EHD4: variants seen among roughly 807,000 people sequenced by gnomAD.
The protein encoded by EHD4 is EH domain-containing protein 4.
EHD4 carries 37 observed loss-of-function variants against 51.0 expected under a neutral mutation model. That is an observed-to-expected ratio of 0.73 (90% CI 0.56 to 0.95). The LOEUF (loss-of-function observed/expected upper bound fraction) is 0.95. Among genes scored for constraint, EHD4 ranks in the 40% least tolerant of loss-of-function variants. The pLI, the probability that EHD4 is intolerant of heterozygous loss-of-function variation, is 0.00. For synonymous variants in EHD4, 297 were observed against 317.3 expected, an observed-to-expected ratio of 0.94 and a Z score of 0.68; for missense variants, 632 against 733.1, an observed-to-expected ratio of 0.86 and a Z score of 1.59.
chr15:41,968,453 CTT>C (rs11291085), intron 1 of EHD4, among the ~76,000 whole-genome samples: 8 of 124,654 alleles, frequency 6.4e-5, no homozygotes, highest in African/African-American at 2.1e-4. Context: ...ATCTTTACTC[CTT>C]TTTTTTTTTT....
Position 41,943,103 on chromosome 15 carries a change from C to T in EHD4, c.475G>A (p.Gly159Ser), listed in dbSNP as rs1198870446. The T allele has an allele frequency of 1.9e-6, 3 of 1,589,814 alleles. No individual in the cohort carries two copies. The highest frequency in any genetic ancestry group is 1.7e-6 in the Non-Finnish European group (2 of 1,168,210). Reference protein sequence around the residue: ...LKSISVIDSPGILSGEKQRIS... With the variant: ...LKSISVIDSPSILSGEKQRIS... ...CGCTGCTTCTCCCCAGAAAGGATGC[C>T]GGGGCTGTCGATGACGCTGATGCTC... Residue 159 changes from glycine (G) to serine (S), a missense_variant, in exon 3 of 6, where the codon GGC becomes AGC. Coordinates refer to ENST00000220325, the MANE Select transcript of EHD4 (RefSeq NM_139265.4).
chr15:41,941,333 T>C (rs1366409897), intron 3 of EHD4, among the ~76,000 whole-genome samples: 1 of 152,210 alleles, frequency 6.6e-6, no homozygotes, highest in East Asian at 1.9e-4. Context: ...AGGTAGACTG[T>C]TATGAAGAAA....
chr15:41,944,584 T>G (rs1007092851), intron 2 of EHD4, among the ~76,000 whole-genome samples: 2 of 152,174 alleles, frequency 1.3e-5, no homozygotes, highest in Non-Finnish European at 2.9e-5. Flanking sequence ...TCACTTTCTC[T>G]GAAGGGGCTT....
intron 4 of EHD4, among the ~76,000 whole-genome samples, chr15:41,916,556 AT>A (rs1351604286): frequency 6.6e-6 from 1 of 152,276 alleles, no homozygotes; most frequent in Non-Finnish European, 1.5e-5. Context: ...ATAAACCAAA[AT>A]AAAAGCACTT....
intron 4 of EHD4, among the ~76,000 whole-genome samples, chr15:41,918,988 T>C (rs143304367): frequency 1.7e-3 from 262 of 152,332 alleles, no homozygotes; most frequent in African/African-American, 6.0e-3. Context: ...ATTAGCTCCA[T>C]GGTACAGATT....
intron 3 of EHD4, among the ~76,000 whole-genome samples, chr15:41,937,393 C>G (rs1380348118): frequency 6.6e-6 from 1 of 152,166 alleles, no homozygotes; most frequent in Non-Finnish European, 1.5e-5. Flanking sequence ...TAGGCAGAGG[C>G]TGTGGTAAGA....
intron 2 of EHD4, among the ~76,000 whole-genome samples, chr15:41,947,515 T>A (rs573009381): frequency 6.6e-6 from 1 of 152,286 alleles, no homozygotes; most frequent in South Asian, 2.1e-4. Flanking sequence ...AGTACTTCTT[T>A]TCACCCCAGC....
chr15:41,927,761 T>C (rs1313178703), intron 3 of EHD4, among the ~76,000 whole-genome samples: 1 of 152,174 alleles, frequency 6.6e-6, no homozygotes, highest in Non-Finnish European at 1.5e-5. Context: ...GTTCTAGAGA[T>C]TTGCGGAACC....
intron 5 of EHD4, among the ~76,000 whole-genome samples, chr15:41,904,144 C>T (rs1238060846): frequency 5.3e-5 from 8 of 152,212 alleles, no homozygotes; most frequent in Admixed American, 3.9e-4. Flanking sequence ...GCGCTCAGAG[C>T]GCACACAGAG....
chr15:41,943,076 T>C lies in EHD4; in HGVS notation c.502A>G (p.Ile168Val), dbSNP rs2067786391. The C allele has an allele frequency of 1.3e-6, 2 of 1,576,180 alleles. No homozygotes were observed. Among genetic ancestry groups the C allele is most frequent in the Non-Finnish European group, 1.7e-6 (2 of 1,160,498 alleles). Residue 168 changes from isoleucine (I) to valine (V), a missense_variant, in exon 3 of 6, where the codon ATC becomes GTC. Physicochemically the swap from Ile to Val is conservative, Grantham distance 29. Transcript: ENST00000220325. ...AGGGACAGGCACTGACCTCGGCTGATGCGCTGCTTCTCCCCAGAAAGGATG... is the reference window on the plus strand; with the variant it reads ...AGGGACAGGCACTGACCTCGGCTGACGCGCTGCTTCTCCCCAGAAAGGATG... ...PGILSGEKQRISRGYDFCQVL... is the reference protein window; with the variant it reads ...PGILSGEKQRVSRGYDFCQVL...
intron 1 of EHD4, among the ~76,000 whole-genome samples, chr15:41,970,637 C>T (rs573477608): frequency 6.6e-6 from 1 of 152,356 alleles, no homozygotes; most frequent in African/African-American, 2.4e-5. Flanking sequence ...GAGAGGGCTG[C>T]ATTATCTCCA....
Position 41,896,899 on chromosome 15 carries a change from G to C in EHD4, c.*3746C>G, listed in dbSNP as rs1039880220. Reference sequence around the variant, plus strand: ...GGGTTTCTCTCCACAGGAAGAGTTGGGGCTCACAGGCACACCCTCTCCCTA... The same window carrying C: ...GGGTTTCTCTCCACAGGAAGAGTTGCGGCTCACAGGCACACCCTCTCCCTA... On this transcript the variant is annotated 3_prime_UTR_variant, in exon 6 of 6. Coordinates refer to ENST00000220325, the MANE Select transcript of EHD4 (RefSeq NM_139265.4). The C allele has an allele frequency of 5.3e-5, 8 of 152,096 alleles. No homozygotes were observed. The highest frequency in any genetic ancestry group is 1.3e-4 in the Admixed American group (2 of 15,266). The allele number at this position is 152,096 out of a possible 1,614,324, so 9.4% of individuals were successfully genotyped here.
intron 2 of EHD4, among the ~76,000 whole-genome samples, chr15:41,949,016 CTATATATATATATATATA>C (rs3035677): frequency 0.02 from 1,892 of 92,482 alleles, 96 homozygotes; most frequent in African/African-American, 0.073. Context: ...CAGAGTGAGA[CTATATATATATATATATA>C]TATATATATA....
chr15:41,962,892 T>TA (rs2067935173), intron 1 of EHD4, among the ~76,000 whole-genome samples: 1 of 152,248 alleles, frequency 6.6e-6, no homozygotes. Flanking sequence ...ATCAGATTGT[T>TA]ACTGTGTCTG....
intron 5 of EHD4, among the ~76,000 whole-genome samples, chr15:41,902,520 A>G (rs1595528476): frequency 6.6e-6 from 1 of 152,150 alleles, no homozygotes; most frequent in Non-Finnish European, 1.5e-5. Flanking sequence ...GAGGAAGGAT[A>G]CTCCAATTGT....
chr15:41,939,792 C>CAAAA (rs537857115), intron 3 of EHD4, among the ~76,000 whole-genome samples: 10 of 80,200 alleles, frequency 1.2e-4, no homozygotes, highest in African/African-American at 1.5e-4. Flanking sequence ...GACTCCGTCT[C>CAAAA]AAAAAAAAAA....
chr15:41,912,246 C>T (rs2140985570), intron 4 of EHD4, among the ~76,000 whole-genome samples: 2 of 152,296 alleles, frequency 1.3e-5, no homozygotes, highest in Middle Eastern at 6.8e-3. Context: ...CAGCTGCTCT[C>T]GGTCCCAGCC....
rs772209765 is a variant in EHD4 at position 41,953,822 on chromosome 15, C to A, written c.355G>T (p.Val119Leu). 1 of 1,613,624 alleles carries A rather than the reference C, an allele frequency of 6.2e-7. No individual in the cohort carries two copies. Among genetic ancestry groups the A allele is most frequent in the Non-Finnish European group, 8.5e-7 (1 of 1,179,928 alleles). Reference sequence around the variant, plus strand: ...TTTCTAAACGGCTTTTTGGGGTCCACGACTAAAGCATTCCCTGGGGTGCTG... The same window carrying A: ...TTTCTAAACGGCTTTTTGGGGTCCAAGACTAAAGCATTCCCTGGGGTGCTG... ...EGSTPGNALV[V>L]DPKKPFRKLS... is the part of the protein sequence containing the mutation. The change falls in exon 2 of 6, where the codon GTG becomes TTG. Residue 119 changes from valine to leucine, a missense_variant. Physicochemically the swap from Val to Leu is conservative, Grantham distance 32 (BLOSUM62 1). Coordinates refer to ENST00000220325, the MANE Select transcript of EHD4 (RefSeq NM_139265.4).
intron 2 of EHD4, among the ~76,000 whole-genome samples, chr15:41,948,409 C>T (rs1026279068): frequency 3.3e-5 from 5 of 152,094 alleles, no homozygotes; most frequent in African/African-American, 7.2e-5. Context: ...CGGCCTGCCT[C>T]GGCCTCCCAA....
Sources: allele counts gnomAD v4.1 joint callset (sites outside exome capture counted in the v4.1 genomes callset), GRCh38; gene constraint gnomAD v4.1.1; transcripts MANE v1.5; gene names NCBI Gene and HGNC (gene_info 2026-07-23, HGNC 2026-07-21).